EXOC6B: variants seen among roughly 807,000 people sequenced by gnomAD.
The protein encoded by EXOC6B is exocyst complex component 6B.
EXOC6B carries 54 observed loss-of-function variants against 113.5 expected under a neutral mutation model. That is an observed-to-expected ratio of 0.48 (90% CI 0.38 to 0.60). The LOEUF (loss-of-function observed/expected upper bound fraction) is 0.60. Among genes scored for constraint, EXOC6B ranks in the 20% least tolerant of loss-of-function variants. EXOC6B has a pLI of 0.00. For synonymous variants in EXOC6B, 357 were observed against 339.0 expected, an observed-to-expected ratio of 1.05 and a Z score of -0.58; for missense variants, 797 against 977.5, an observed-to-expected ratio of 0.82 and a Z score of 2.46.
At chr2:72,312,628 C>T (rs1442310351) in intron 20 of EXOC6B, among the ~76,000 whole-genome samples, 5 of 151,338 alleles carry the variant, frequency 3.3e-5, no homozygotes, top group Non-Finnish European at 7.4e-5. Context: ...TGGTGGTGGG[C>T]GCCTATAATC....
At chr2:72,746,399 A>C (rs1354371031) in intron 1 of EXOC6B, among the ~76,000 whole-genome samples, 1 of 152,064 alleles carries the variant, frequency 6.6e-6, no homozygotes, top group Non-Finnish European at 1.5e-5. Flanking sequence ...TCTGGTTTCC[A>C]AAAACCCCCA....
At chr2:72,753,398 CTCA>C (rs1308193571) in intron 1 of EXOC6B, among the ~76,000 whole-genome samples, 1 of 152,100 alleles carries the variant, frequency 6.6e-6, no homozygotes, top group Non-Finnish European at 1.5e-5. Flanking sequence ...CTCACACCTC[CTCA>C]TAACTAGTCA....
At chr2:72,540,662 G>A (rs1702548847) in intron 8 of EXOC6B, among the ~76,000 whole-genome samples, 1 of 152,046 alleles carries the variant, frequency 6.6e-6, no homozygotes, top group Non-Finnish European at 1.5e-5. Context: ...TTTTCCCAAA[G>A]GTAGAGGATT....
chr2:72,577,948 C>G (rs1025272580), intron 6 of EXOC6B, among the ~76,000 whole-genome samples: 3 of 152,016 alleles, frequency 2.0e-5, no homozygotes, highest in Non-Finnish European at 4.4e-5. Flanking sequence ...GTTGTTCATT[C>G]TATTTGTAAG....
intron 6 of EXOC6B, among the ~76,000 whole-genome samples, chr2:72,576,699 G>C (rs568806451): frequency 6.6e-6 from 1 of 152,072 alleles, no homozygotes; most frequent in Non-Finnish European, 1.5e-5. Flanking sequence ...GATATGCAAG[G>C]CACACTAACA....
chr2:72,604,043 T>C (rs1670600427), intron 6 of EXOC6B, among the ~76,000 whole-genome samples: 2 of 152,016 alleles, frequency 1.3e-5, no homozygotes, highest in Non-Finnish European at 2.9e-5. Context: ...TCTAAATGAT[T>C]ATTAACTGTG....
rs566697266 is a variant in EXOC6B, at chr2:72,226,949, G to C, written c.2197-42762C>G. 9.0e-4 allele frequency among the ~76,000 whole-genome samples: 137 copies of C among 152,282 alleles called. No individual in the cohort carries two copies. The South Asian group carries it at 0.014, about 16-fold the overall frequency. ...CTCTTAACCAGAAGCAAATTTGTTA[G>C]ATAGGTAGGAAGCAATGGAATTGAC... On this transcript the variant is annotated intron_variant, in intron 20 of 21. Coordinates refer to ENST00000272427, the MANE Select transcript of EXOC6B (RefSeq NM_015189.3).
intron 1 of EXOC6B, among the ~76,000 whole-genome samples, chr2:72,812,643 T>G (rs1685983672): frequency 6.6e-6 from 1 of 152,080 alleles, no homozygotes; most frequent in Non-Finnish European, 1.5e-5. Context: ...TGAGCTAAGA[T>G]TGCACCACTG....
At chr2:72,335,454 C>A (rs573906885) in intron 19 of EXOC6B, among the ~76,000 whole-genome samples, 1 of 151,868 alleles carries the variant, frequency 6.6e-6, no homozygotes, top group African/African-American at 2.4e-5. Context: ...ACGCTTGTCA[C>A]CTCATTCCCC....
In EXOC6B at chr2:72,733,097, T is replaced by C; in HGVS notation, c.301A>G (p.Arg101Gly). 1 of 1,594,244 alleles carries C rather than the reference T, an allele frequency of 6.3e-7. No individual in the cohort carries two copies. Among genetic ancestry groups the C allele is most frequent in the Non-Finnish European group, 8.6e-7 (1 of 1,168,406 alleles). Residue 101 changes from arginine (R) to glycine (G), a missense_variant, in exon 3 of 22, where the codon AGA becomes GGA. Coordinates refer to ENST00000272427, the MANE Select transcript of EXOC6B (RefSeq NM_015189.3). ...KLKNQVTDTNRKLQHEGKELV... is the reference protein window; with the variant it reads ...KLKNQVTDTNGKLQHEGKELV... Reference sequence around the variant, plus strand: ...TCCTTTCCCTCATGTTGTAGTTTTCTATTAGTATCCGTCACTTGATTCTGT... The same window carrying C: ...TCCTTTCCCTCATGTTGTAGTTTTCCATTAGTATCCGTCACTTGATTCTGT...
rs570198510 is a variant in EXOC6B at position 72,446,748 on chromosome 2, T to G, written c.1980+18412A>C. Among the ~76,000 whole-genome samples the G allele has an allele frequency of 1.3e-4, 20 of 152,260 alleles. 1 individual carries two copies. The highest frequency in any genetic ancestry group is 4.8e-4 in the African/African-American group (20 of 41,548). On this transcript the variant is annotated intron_variant, in intron 18 of 21. Transcript: ENST00000272427. Reference sequence around the variant, plus strand: ...CACAAGTTTACCTACATAACAAACCTGCACATATACCCCCAAACTTAAAAT... The same window carrying G: ...CACAAGTTTACCTACATAACAAACCGGCACATATACCCCCAAACTTAAAAT...
intron 8 of EXOC6B, among the ~76,000 whole-genome samples, chr2:72,545,373 C>T (rs866150143): frequency 2.6e-5 from 4 of 151,740 alleles, no homozygotes; most frequent in South Asian, 2.1e-4. Flanking sequence ...AAAATCAAAT[C>T]GACTATCGAA....
At chr2:72,230,787 A>G (rs1681570034) in intron 20 of EXOC6B, among the ~76,000 whole-genome samples, 1 of 152,166 alleles carries the variant, frequency 6.6e-6, no homozygotes, top group Non-Finnish European at 1.5e-5. Context: ...AGTTGTAGGA[A>G]TTAGGATTTG....
intron 6 of EXOC6B, among the ~76,000 whole-genome samples, chr2:72,636,010 A>G (rs1446887): frequency 0.61 from 93,013 of 151,964 alleles, 34,720 homozygotes; most frequent in East Asian, 0.99. Flanking sequence ...TGAGGCCAGA[A>G]GTTCAAGAAA....
At chr2:72,419,335 C>A (rs1294862657) in intron 18 of EXOC6B, among the ~76,000 whole-genome samples, 5 of 152,184 alleles carry the variant, frequency 3.3e-5, no homozygotes, top group Admixed American at 3.3e-4. Flanking sequence ...AGCAGAGTTA[C>A]AACTTCTCAT....
intron 1 of EXOC6B, among the ~76,000 whole-genome samples, chr2:72,815,576 T>A (rs1446614245): frequency 3.3e-5 from 5 of 151,586 alleles, no homozygotes; most frequent in African/African-American, 1.2e-4. Context: ...AACATATTAT[T>A]GTGAGATTTT....
At chr2:72,280,361 T>A (rs999507557) in intron 20 of EXOC6B, among the ~76,000 whole-genome samples, 3 of 152,250 alleles carry the variant, frequency 2.0e-5, no homozygotes, top group African/African-American at 4.8e-5. Context: ...CCTTTTTTTT[T>A]AGAAAATGTC....
intron 2 of EXOC6B, 45 bp downstream of exon 2, chr2:72,741,259 C>G (rs967007558): frequency 3.8e-6 from 6 of 1,566,236 alleles, no homozygotes; most frequent in Non-Finnish European, 5.2e-6. Context: ...CTAATCAAAA[C>G]CCCAACACAG....
intron 6 of EXOC6B, among the ~76,000 whole-genome samples, chr2:72,582,114 C>A (rs1446892): frequency 4.0e-5 from 6 of 151,850 alleles, no homozygotes; most frequent in South Asian, 4.1e-4. Flanking sequence ...AAGACCCTGC[C>A]CAACATTCTC....
Sources: allele counts gnomAD v4.1 joint callset (sites outside exome capture counted in the v4.1 genomes callset), GRCh38; gene constraint gnomAD v4.1.1; transcripts MANE v1.5; gene names NCBI Gene and HGNC (gene_info 2026-07-23, HGNC 2026-07-21).